The following ASH1L variants were observed in gnomAD, a reference collection of about 807,000 sequenced individuals.
The protein encoded by ASH1L is histone-lysine N-methyltransferase ASH1L.
ASH1L carries 23 observed loss-of-function variants against 269.0 expected under a neutral mutation model. The observed-to-expected ratio is 0.09, with a 90% CI of 0.06 to 0.12. The LOEUF (loss-of-function observed/expected upper bound fraction) is 0.12. Among genes scored for constraint, ASH1L ranks in the 10% least tolerant of loss-of-function variants. The probability of loss-of-function intolerance (pLI) is 1.00; values close to 1 mark genes in which losing one functional copy is unlikely to be tolerated. For synonymous variants in ASH1L, 1,187 were observed against 1,253.5 expected (o/e 0.95, Z 1.12); for missense variants, 2,912 against 3,567.8 (o/e 0.82, Z 4.68).
intron 1 of ASH1L, among the ~76,000 whole-genome samples, chr1:155,542,242 T>C (rs1670472070): frequency 6.6e-6 from 1 of 152,178 alleles, no homozygotes; most frequent in Non-Finnish European, 1.5e-5. Flanking sequence ...AGAAAGATTT[T>C]CCCATTAATA....
intron 4 of ASH1L, among the ~76,000 whole-genome samples, chr1:155,451,927 G>T (rs1341800521): frequency 1.3e-5 from 2 of 151,872 alleles, no homozygotes; most frequent in African/African-American, 4.8e-5. Context: ...CACCATGTTG[G>T]CCAGACTAGT....
chr1:155,528,864 C>T (rs1669454280), intron 1 of ASH1L, among the ~76,000 whole-genome samples: 1 of 152,122 alleles, frequency 6.6e-6, no homozygotes, highest in African/African-American at 2.4e-5. Context: ...CCTCCACCCT[C>T]CAATAAGCCC....
At chr1:155,400,508 T>G (rs1658739896) in intron 6 of ASH1L, among the ~76,000 whole-genome samples, 4 of 152,150 alleles carry the variant, frequency 2.6e-5, no homozygotes, top group Admixed American at 2.6e-4. Context: ...TATTTATCAT[T>G]GCCATTTTAA....
In ASH1L at chr1:155,562,796, C is replaced by G. The variant is rs1169400082; in HGVS notation, c.-743G>C. On this transcript the variant is annotated 5_prime_UTR_variant, in exon 1 of 28. Transcript: ENST00000392403. Reference sequence around the variant, plus strand: ...ACGCGTACCTTCAACGGCGCAAGCCCAAGCCTCCTCCTCCTCCTCCTCCAC... The same window carrying G: ...ACGCGTACCTTCAACGGCGCAAGCCGAAGCCTCCTCCTCCTCCTCCTCCAC... 4.5e-6 allele frequency: 3 copies of G among 670,912 alleles called. No homozygotes were observed. Among genetic ancestry groups the G allele is most frequent in the Non-Finnish European group, 7.9e-6 (3 of 381,496 alleles). 41.6% of individuals were successfully genotyped at this position (670,912 alleles called of 1,614,324 possible). A position where few individuals can be genotyped will look rare whatever the true frequency, so the allele number is the denominator to read the frequency against.
chr1:155,521,421 A>G lies in ASH1L; in HGVS notation c.99T>C (p.Ser33=). Residue 33 remains serine, a synonymous_variant, in exon 2 of 28, where the codon AGT becomes AGC. Coordinates refer to ENST00000392403, the MANE Select transcript of ASH1L (RefSeq NM_018489.3). The part of the protein sequence containing the change: ...PSAISTGTLV[S]KREVELEKNT... The stretch of plus-strand genomic sequence containing the variant: ...TTTTTTCTAGCTCTACTTCTCTCTT[A>G]CTGACCAATGTGCCAGTACTGATGG... 1 of 1,613,918 alleles carries G rather than the reference A, an allele frequency of 6.2e-7. No homozygotes were observed. Among genetic ancestry groups the G allele is most frequent in the Middle Eastern group, 1.6e-4 (1 of 6,062 alleles).
In ASH1L at chr1:155,480,665, T is replaced by C. The variant is rs1260137189; in HGVS notation, c.2205A>G (p.Glu735=). The change falls in exon 3 of 28, where the codon GAA becomes GAG. Residue 735 remains glutamate (E), a synonymous_variant. Coordinates refer to ENST00000392403, the MANE Select transcript of ASH1L (RefSeq NM_018489.3). ...RSTCRSPKGL[E]LERSELFKNV... ...TTTTAAAAAGCTCTGATCTTTCTAA[T>C]TCTAGCCCTTTTGGAGACCGGCATG... is the stretch of plus-strand genomic sequence containing the variant. The C allele has an allele frequency of 6.2e-7, 1 of 1,614,026 alleles. No homozygotes were observed.
intron 1 of ASH1L, among the ~76,000 whole-genome samples, chr1:155,531,209 A>T (rs1252732792): frequency 6.6e-6 from 1 of 152,156 alleles, no homozygotes; most frequent in Admixed American, 6.5e-5. Flanking sequence ...TTGGAAAAAA[A>T]AAAAAAGAAT....
Position 155,480,735 on chromosome 1 carries a change from C to T in ASH1L, c.2135G>A (p.Arg712Lys). The T allele has an allele frequency of 1.2e-6, 2 of 1,612,984 alleles. No individual in the cohort carries two copies. Among genetic ancestry groups the T allele is most frequent in the South Asian group, 1.1e-5 (1 of 91,006 alleles). Residue 712 changes from arginine to lysine, a missense_variant, in exon 3 of 28, where the codon AGA becomes AAA. By Grantham distance (26) the Arg-to-Lys change is conservative (BLOSUM62 2). Coordinates refer to ENST00000392403, the MANE Select transcript of ASH1L (RefSeq NM_018489.3). ...TSLQSKPLKKRKGRKPRWTKV... is the reference protein window; with the variant it reads ...TSLQSKPLKKKKGRKPRWTKV... ...AGTCCACCGAGGTTTTCTTCCTTTT[C>T]TTTTTTTTAATGGTTTGGACTGCAA...
intron 1 of ASH1L, among the ~76,000 whole-genome samples, chr1:155,541,220 T>C (rs2148889203): frequency 6.6e-6 from 1 of 152,302 alleles, no homozygotes; most frequent in Admixed American, 6.5e-5. Flanking sequence ...ATTCAAAAAA[T>C]ATCTATTGAA....
In ASH1L at chr1:155,481,665, T is replaced by G. The variant is rs764571500; in HGVS notation, c.1205A>C (p.Lys402Thr). 1.2e-6 allele frequency: 2 copies of G among 1,614,156 alleles called. No individual in the cohort carries two copies. The highest frequency in any genetic ancestry group is 2.2e-5 in the South Asian group (2 of 91,090). The change falls in exon 3 of 28, where the codon AAG becomes ACG. Residue 402 changes from lysine (K) to threonine (T), a missense_variant. Physicochemically the swap from Lys to Thr is moderately conservative, Grantham distance 78. This residue lies in a region of ASH1L where 277 missense variants were observed against 367.7 expected (regional missense o/e 0.75). Coordinates refer to ENST00000392403, the MANE Select transcript of ASH1L (RefSeq NM_018489.3). Reference protein sequence around the residue: ...VASSAMGLVNKDIGKKLMSCP... With the variant: ...VASSAMGLVNTDIGKKLMSCP... ...ACTCATTAGTTTCTTTCCAATGTCC[T>G]TATTAACCAATCCCATTGCTGAACT...
At position 155,478,344 on chromosome 1, in the gene ASH1L, G is replaced by A; in HGVS notation, c.4526C>T (p.Ser1509Phe). Residue 1509 changes from serine to phenylalanine, a missense_variant, in exon 3 of 28, where the codon TCT becomes TTT. Transcript: ENST00000392403. The surrounding 1 kb of genome is among the most constrained non-coding windows in gnomAD (Gnocchi z 4.6). Reference sequence around the variant, plus strand: ...ATAGCGCTTCAAAGATTCCAGGACAGATCGGGAAGAGCCAGTGTCCATAGA... The same window carrying A: ...ATAGCGCTTCAAAGATTCCAGGACAAATCGGGAAGAGCCAGTGTCCATAGA... ...QVSMDTGSSR[S>F]VLESLKRYRF... is the part of the protein sequence containing the mutation. The A allele has an allele frequency of 6.2e-7, 1 of 1,614,146 alleles. No individual in the cohort carries two copies. The highest frequency in any genetic ancestry group is 8.5e-7 in the Non-Finnish European group (1 of 1,180,034).
chr1:155,373,034 G>A (rs1179352581), intron 10 of ASH1L, among the ~76,000 whole-genome samples: 5 of 151,836 alleles, frequency 3.3e-5, no homozygotes, highest in African/African-American at 1.2e-4. Context: ...CCAAGGTGGC[G>A]AAACCCCATC....
At chr1:155,498,004 G>A (rs574057093) in intron 2 of ASH1L, among the ~76,000 whole-genome samples, 204 of 152,046 alleles carry the variant, frequency 1.3e-3, no homozygotes, top group Non-Finnish European at 2.5e-3. Flanking sequence ...CACCCGCCTC[G>A]GCCTCCCAAA....
At chr1:155,496,388 T>G (rs1667156641) in intron 2 of ASH1L, among the ~76,000 whole-genome samples, 1 of 152,226 alleles carries the variant, frequency 6.6e-6, no homozygotes. Context: ...TTCTTTTGAA[T>G]GTGGAAAATG....
At chr1:155,520,725 G>A (rs919399691) in intron 2 of ASH1L, among the ~76,000 whole-genome samples, 1 of 152,032 alleles carries the variant, frequency 6.6e-6, no homozygotes, top group Non-Finnish European at 1.5e-5. Flanking sequence ...AGCTCGGTGT[G>A]GTGGTGGGTG....
At chr1:155,367,797 C>T (rs945890919) in intron 12 of ASH1L, among the ~76,000 whole-genome samples, 35 of 152,162 alleles carry the variant, frequency 2.3e-4, no homozygotes, top group Admixed American at 1.5e-3. Context: ...TCTTTTATTC[C>T]TGGAATAAAC....
At chr1:155,349,516 G>C in intron 18 of ASH1L, 26 bp downstream of exon 18, 2 of 1,614,002 alleles carry the variant, frequency 1.2e-6, no homozygotes, top group South Asian at 2.2e-5. Context: ...TAAAAACTCA[G>C]ATGATTCCCA....
intron 1 of ASH1L, among the ~76,000 whole-genome samples, chr1:155,556,481 G>A (rs1671601265): frequency 6.6e-6 from 1 of 151,314 alleles, no homozygotes; most frequent in Non-Finnish European, 1.5e-5. Context: ...GTTTCACTCT[G>A]TCACCCAGGC....
chr1:155,380,580 T>G (rs887473501), intron 7 of ASH1L, among the ~76,000 whole-genome samples: 1 of 151,990 alleles, frequency 6.6e-6, no homozygotes, highest in Non-Finnish European at 1.5e-5. Context: ...TATTTTTGTT[T>G]GATTTTTTTG....
Sources: allele counts gnomAD v4.1 joint callset (sites outside exome capture counted in the v4.1 genomes callset), GRCh38; gene constraint gnomAD v4.1.1; regional missense constraint gnomAD v4.1.1; non-coding constraint Gnocchi (gnomAD v3.1); transcripts MANE v1.5; gene names NCBI Gene and HGNC (gene_info 2026-07-23, HGNC 2026-07-21).